Variants in PDE1C observed in about 807,000 individuals in gnomAD.
PDE1C encodes dual specificity calcium/calmodulin-dependent 3',5'-cyclic nucleotide phosphodiesterase 1C.
A neutral mutation model predicts 93.1 loss-of-function variants in PDE1C; 62 were observed. The observed-to-expected ratio is 0.67, with a 90% CI of 0.54 to 0.82. The LOEUF is 0.82. Among genes scored for constraint, PDE1C ranks in the 40% least tolerant of loss-of-function variants. The pLI, the probability that PDE1C is intolerant of heterozygous loss-of-function variation, is 0.00. For synonymous variants in PDE1C, 325 were observed against 310.1 expected, an observed-to-expected ratio of 1.05 and a Z score of -0.50; for missense variants, 742 against 884.6, an observed-to-expected ratio of 0.84 and a Z score of 2.04.
intron 1 of PDE1C, among the ~76,000 whole-genome samples, chr7:32,281,834 T>C (rs1811650464): frequency 6.6e-6 from 1 of 152,192 alleles, no homozygotes; most frequent in African/African-American, 2.4e-5. Flanking sequence ...CATGGAATAC[T>C]ATGCAGCCAT....
At chr7:32,348,870 G>A (rs177364) in intron 1 of PDE1C, among the ~76,000 whole-genome samples, 121,773 of 150,302 alleles carry the variant, frequency 0.81, 49,092 homozygotes, top group Admixed American at 0.86. Context: ...CACCCACATT[G>A]GCCAACTCTG....
chr7:32,190,595 A>C (rs781281943), intron 2 of PDE1C, among the ~76,000 whole-genome samples: 11 of 152,232 alleles, frequency 7.2e-5, no homozygotes, highest in Non-Finnish European at 1.2e-4. Context: ...GGATGAGTGG[A>C]TTTTCCCTCC....
intron 11 of PDE1C, among the ~76,000 whole-genome samples, chr7:31,831,693 A>C (rs1790434656): frequency 6.6e-6 from 1 of 152,118 alleles, no homozygotes; most frequent in Non-Finnish European, 1.5e-5. Flanking sequence ...GTGAAGAAGA[A>C]AAGAGAGGAG....
At chr7:31,650,595 G>A in the PDE1C span, among the ~76,000 whole-genome samples, 3 of 152,120 alleles carry the variant, frequency 2.0e-5, no homozygotes, top group East Asian at 5.8e-4. Context: ...TCCTCAGGGT[G>A]GGCTTGTTAG....
intron 1 of PDE1C, among the ~76,000 whole-genome samples, chr7:32,279,946 C>T (rs1369580267): frequency 6.6e-6 from 1 of 152,072 alleles, no homozygotes; most frequent in Non-Finnish European, 1.5e-5. Context: ...AGAAAGGTGA[C>T]CATGACATAT....
At chr7:32,359,823 C>A (rs1361823031) in intron 1 of PDE1C, among the ~76,000 whole-genome samples, 1 of 152,148 alleles carries the variant, frequency 6.6e-6, no homozygotes, top group East Asian at 1.9e-4. Flanking sequence ...GCAGTTCCTC[C>A]ACCTGAAATG....
intron 3 of PDE1C, among the ~76,000 whole-genome samples, chr7:32,167,914 C>T (rs1802405878): frequency 6.6e-6 from 1 of 152,096 alleles, no homozygotes. Flanking sequence ...CTTCCCATAC[C>T]TGAGTACTTT....
intron 1 of PDE1C, among the ~76,000 whole-genome samples, chr7:32,274,998 C>T (rs557208723): frequency 5.3e-5 from 8 of 152,288 alleles, no homozygotes; most frequent in African/African-American, 1.9e-4. Context: ...TAAGTTTCTG[C>T]AGAACCATCT....
the PDE1C span, among the ~76,000 whole-genome samples, chr7:31,660,844 A>C: frequency 6.6e-6 from 1 of 151,916 alleles, no homozygotes; most frequent in Non-Finnish European, 1.5e-5. Context: ...TATTACCATT[A>C]GAAAGTCAAT....
chr7:31,760,332 T>G (rs1386639203), intron 17 of PDE1C, among the ~76,000 whole-genome samples: 1 of 152,254 alleles, frequency 6.6e-6, no homozygotes, highest in Admixed American at 6.5e-5. Flanking sequence ...GGTATCACAC[T>G]ATATCAAGTC....
At chr7:31,875,835 A>ATATATATATATATATATATAT (rs70989618) in intron 5 of PDE1C, among the ~76,000 whole-genome samples, 7 of 123,596 alleles carry the variant, frequency 5.7e-5, no homozygotes, top group African/African-American at 1.5e-4. Flanking sequence ...ATATATATAT[A>ATATATATATATATATATATAT]ATGGAAAAAG....
intron 2 of PDE1C, among the ~76,000 whole-genome samples, chr7:32,202,808 G>A (rs59137386): frequency 0.038 from 5,729 of 152,178 alleles, 371 homozygotes; most frequent in African/African-American, 0.13. Context: ...TGTTGCTTGC[G>A]TGGTTGATTG....
chr7:31,846,340 T>C (rs150589141), intron 9 of PDE1C, among the ~76,000 whole-genome samples: 1,634 of 150,054 alleles, frequency 0.011, 15 homozygotes, highest in Middle Eastern at 0.048. Context: ...TATACAACCA[T>C]CTGATCTTTG....
intron 2 of PDE1C, among the ~76,000 whole-genome samples, chr7:32,178,465 T>C (rs1803155807): frequency 6.6e-6 from 1 of 152,248 alleles, no homozygotes; most frequent in Non-Finnish European, 1.5e-5. Flanking sequence ...GTTGAAAGCA[T>C]GAAATGTTTC....
chr7:32,085,877 A>G (rs1334773059), intron 3 of PDE1C, among the ~76,000 whole-genome samples: 1 of 146,948 alleles, frequency 6.8e-6, no homozygotes, highest in East Asian at 2.0e-4. Context: ...GCTATCTATG[A>G]CAAACCCACA....
chr7:31,874,886 G>T (rs1796351760), intron 5 of PDE1C, among the ~76,000 whole-genome samples: 1 of 152,210 alleles, frequency 6.6e-6, no homozygotes, highest in African/African-American at 2.4e-5. Flanking sequence ...TTTATAGATG[G>T]CAACCTCAGA....
chr7:32,105,376 C>G (rs909876730), intron 3 of PDE1C, among the ~76,000 whole-genome samples: 7 of 152,074 alleles, frequency 4.6e-5, no homozygotes, highest in African/African-American at 1.7e-4. Context: ...TAACTGGTAG[C>G]AACATGGTCC....
At chr7:32,188,673 T>C (rs962019358) in intron 2 of PDE1C, among the ~76,000 whole-genome samples, 4 of 152,150 alleles carry the variant, frequency 2.6e-5, no homozygotes, top group African/African-American at 4.8e-5. Flanking sequence ...GCATTTTTCT[T>C]TGGGCTTCTA....
intron 1 of PDE1C, among the ~76,000 whole-genome samples, chr7:32,258,496 T>C (rs1386886781): frequency 6.6e-6 from 1 of 152,174 alleles, no homozygotes; most frequent in East Asian, 1.9e-4. Flanking sequence ...TGGGGGTGAC[T>C]GATGTGCTGA....
Sources: allele counts gnomAD v4.1 joint callset (sites outside exome capture counted in the v4.1 genomes callset), GRCh38; gene constraint gnomAD v4.1.1; transcripts MANE v1.5; gene names NCBI Gene and HGNC (gene_info 2026-07-23, HGNC 2026-07-21).